ETF1: variants seen among roughly 807,000 people sequenced by gnomAD.
The protein encoded by ETF1 is eukaryotic translation termination factor 1, also known as eukaryotic peptide chain release factor subunit 1.
Under a neutral mutation model 55.1 loss-of-function variants are expected in ETF1, and 4 were observed. That is an observed-to-expected ratio of 0.07 (90% CI 0.04 to 0.17). The LOEUF (loss-of-function observed/expected upper bound fraction) is 0.17, where lower values mean the gene tolerates loss of function less well. ETF1 is among the 10% of genes least tolerant of loss of function. ETF1 has a pLI of 1.00. For synonymous variants in ETF1, 157 were observed against 182.3 expected (o/e 0.86, Z 1.12); for missense variants, 142 against 523.6 (o/e 0.27, Z 7.11).
chr5:138,528,965 G>A (rs1036000186), intron 2 of ETF1, among the ~76,000 whole-genome samples: 33 of 152,168 alleles, frequency 2.2e-4, no homozygotes, highest in Admixed American at 1.2e-3. Flanking sequence ...TGGCCAACAT[G>A]AGGAAACCCA....
At chr5:138,510,384 A>G (rs1490324674) in intron 9 of ETF1, among the ~76,000 whole-genome samples, 181 bp downstream of exon 9, 1 of 127,742 alleles carries the variant, frequency 7.8e-6, no homozygotes, top group East Asian at 2.9e-4. Context: ...AAAAAAAAAA[A>G]AAAAGCTGCA....
chr5:138,538,343 C>CCA (rs1460248856), intron 2 of ETF1, among the ~76,000 whole-genome samples: 1 of 151,982 alleles, frequency 6.6e-6, no homozygotes, highest in East Asian at 1.9e-4. Context: ...GTGCAAGCCA[C>CCA]CACACCCAGC....
intron 4 of ETF1, among the ~76,000 whole-genome samples, chr5:138,514,492 A>G (rs181372756): frequency 6.6e-6 from 1 of 152,270 alleles, no homozygotes; most frequent in Admixed American, 6.5e-5. Flanking sequence ...GCAGTGAGCC[A>G]AGATTGTGCC....
In ETF1 at chr5:138,542,902, C is replaced by G. The variant is rs773450681; in HGVS notation, c.17G>C (p.Ser6Thr). The G allele has an allele frequency of 6.2e-7, 1 of 1,613,750 alleles. No individual in the cohort carries two copies. Among genetic ancestry groups the G allele is most frequent in the East Asian group, 2.2e-5 (1 of 44,868 alleles). The change falls in exon 2 of 11, where the codon AGT becomes ACT. Residue 6 changes from serine (S) to threonine (T), a missense_variant. Ser to Thr is a moderately conservative substitution (Grantham distance 58). Coordinates refer to ENST00000360541, the MANE Select transcript of ETF1 (RefSeq NM_004730.4). MADDP[S>T]AADRNVEIWK... The stretch of plus-strand genomic sequence containing the variant: ...GATCTCCACGTTCCTGTCGGCAGCA[C>G]TGGGGTCGTCCGCCATCTTCTCGCC...
chr5:138,519,950 CAT>C (rs1306678201), intron 2 of ETF1, among the ~76,000 whole-genome samples: 8 of 148,416 alleles, frequency 5.4e-5, no homozygotes, highest in Non-Finnish European at 1.2e-4. Context: ...GCATTTTTTT[CAT>C]ATGTTTATGG....
chr5:138,519,262 A>G (rs1169713873), intron 2 of ETF1: 1 of 882,962 alleles, frequency 1.1e-6, no homozygotes, highest in African/African-American at 1.8e-5. Flanking sequence ...TGACAGGATG[A>G]TGCAATGAGT....
intron 9 of ETF1, chr5:138,509,226 A>G: frequency 2.1e-6 from 2 of 972,990 alleles, no homozygotes; most frequent in Non-Finnish European, 2.4e-6. Flanking sequence ...AATTTGAGGA[A>G]GCTATCATTT....
chr5:138,511,471 A>T lies in ETF1; in HGVS notation c.862+4T>A. On this transcript the variant is annotated splice_donor_region_variant and intron_variant, in intron 7 of 10. Transcript: ENST00000360541. ...CAGAATAAGTAGTTGCATTTCACCG[A>T]TACCTATTAATTTCTTCTCTTGAAT... The T allele has an allele frequency of 6.2e-7, 1 of 1,613,510 alleles. No individual in the cohort carries two copies. Among genetic ancestry groups the T allele is most frequent in the Non-Finnish European group, 8.5e-7 (1 of 1,179,792 alleles).
chr5:138,531,219 A>C (rs1765686395), intron 2 of ETF1, among the ~76,000 whole-genome samples: 1 of 152,178 alleles, frequency 6.6e-6, no homozygotes. Context: ...ACGCGCACAC[A>C]AAAAAGATAA....
chr5:138,520,795 G>A (rs559182540), intron 2 of ETF1, among the ~76,000 whole-genome samples: 2 of 152,226 alleles, frequency 1.3e-5, no homozygotes, highest in South Asian at 4.1e-4. Context: ...CTCCAGCCTG[G>A]GCAACAGTAT....
chr5:138,512,878 TG>T lies in ETF1; in HGVS notation c.617del (p.Ala206GlufsTer14). The T allele has an allele frequency of 6.3e-7, 1 of 1,588,176 alleles. No individual in the cohort carries two copies. Among genetic ancestry groups the T allele is most frequent in the South Asian group, 1.2e-5 (1 of 85,994 alleles). On this transcript the variant is annotated frameshift_variant, in exon 6 of 11. Coordinates refer to ENST00000360541, the MANE Select transcript of ETF1 (RefSeq NM_004730.4). LOFTEE classifies it high-confidence loss of function. ...EKRHNYVRKVAETAVQLFISG... is the reference protein window; with the variant it reads ...EKRHNYVRKVXETAVQLFISG... ...AAATAAACAGCTGCACAGCAGTCTC[TG>T]CTACTTTCCGAACATAGTTATGTCG...
intron 4 of ETF1, among the ~76,000 whole-genome samples, chr5:138,517,030 T>A (rs1000848009): frequency 6.6e-6 from 1 of 152,096 alleles, no homozygotes; most frequent in Non-Finnish European, 1.5e-5. Flanking sequence ...AAGTATAAAG[T>A]AAAAGAAGCC....
intron 7 of ETF1, 29 bp from the exon 8 acceptor site, chr5:138,511,229 T>C: frequency 6.2e-7 from 1 of 1,606,650 alleles, no homozygotes; most frequent in African/African-American, 1.3e-5. Context: ...CAACAGGATA[T>C]ATATTAAAGT....
Position 138,508,793 on chromosome 5 carries a change from G to A in ETF1, c.1107C>T (p.Ile369=), listed in dbSNP as rs747967859. 7 of 1,613,860 alleles carry A rather than the reference G, an allele frequency of 4.3e-6. No individual in the cohort carries two copies. Among genetic ancestry groups the A allele is most frequent in the East Asian group, 2.2e-5 (1 of 44,886 alleles). The change falls in exon 10 of 11, where the codon ATC becomes ATT. Residue 369 remains isoleucine, a synonymous_variant. Coordinates refer to ENST00000360541, the MANE Select transcript of ETF1 (RefSeq NM_004730.4). ...ACCATTCCAACAGGGGCATGCTCTC[G>A]ATAAGCTCATGTTCCTGTCCGGTCT... The part of the protein sequence containing the change: ...DKETGQEHEL[I]ESMPLLEWFA...
At chr5:138,541,540 C>A in intron 2 of ETF1, 7 of 1,535,084 alleles carry the variant, frequency 4.6e-6, no homozygotes, top group South Asian at 1.2e-5. Flanking sequence ...GCCTTCAGTA[C>A]AATTAAGCAC....
chr5:138,510,463 T>A (rs752707854), intron 9 of ETF1, 102 bp downstream of exon 9: 8 of 737,442 alleles, frequency 1.1e-5, no homozygotes, highest in Non-Finnish European at 1.4e-5. Context: ...CCCCAATTAG[T>A]ATAAGGTTTG....
rs755858373 is a variant in ETF1 at position 138,511,469 on chromosome 5, C to T, written c.862+6G>A. 2.0e-5 allele frequency: 32 copies of T among 1,611,224 alleles called. No individual in the cohort carries two copies. In the East Asian group the frequency reaches 2.0e-4, roughly 10 times the overall value. On this transcript the variant is annotated splice_donor_region_variant and intron_variant, in intron 7 of 10. Transcript: ENST00000360541. ...CACAGAATAAGTAGTTGCATTTCAC[C>T]GATACCTATTAATTTCTTCTCTTGA...
intron 2 of ETF1, among the ~76,000 whole-genome samples, chr5:138,532,726 C>T (rs1202580577): frequency 6.6e-6 from 1 of 152,066 alleles, no homozygotes; most frequent in Non-Finnish European, 1.5e-5. Flanking sequence ...AAGAGCTATA[C>T]CAAAAATAAT....
At chr5:138,528,055 A>T (rs1481830221) in intron 2 of ETF1, among the ~76,000 whole-genome samples, 1 of 152,192 alleles carries the variant, frequency 6.6e-6, no homozygotes, top group Non-Finnish European at 1.5e-5. Flanking sequence ...TACAGGCGTG[A>T]GCCACCATGC....
Sources: gnomAD v4.1 joint callset for allele counts (sites outside exome capture counted in the v4.1 genomes callset) on GRCh38, gnomAD v4.1.1 for gene constraint, MANE v1.5 for transcripts, NCBI Gene and HGNC (gene_info 2026-07-23, HGNC 2026-07-21) for gene names.